PRUNE2: variants seen among roughly 807,000 people sequenced by gnomAD.
The protein encoded by PRUNE2 is prune homolog 2 with BCH domain, also known as protein prune homolog 2.
A neutral mutation model predicts 252.0 loss-of-function variants in PRUNE2; 164 were observed. That is an observed-to-expected ratio of 0.65 (90% CI 0.57 to 0.74). The LOEUF (loss-of-function observed/expected upper bound fraction) is 0.74. PRUNE2 is among the 30% of genes least tolerant of loss of function. PRUNE2 has a pLI of 0.00. For missense variants in PRUNE2, 3,495 were observed against 3,711.0 expected, an observed-to-expected ratio of 0.94 and a Z score of 1.51; for synonymous variants, 1,292 against 1,350.2, an observed-to-expected ratio of 0.96 and a Z score of 0.94.
rs369614373 is a variant in PRUNE2, at chr9:76,629,307, GA to G, written c.9051-18del. Reference sequence around the variant, plus strand: ...AATTTTGAACTAAAAAAAAAAAAAAGAAAAAAATATGTATCATTAGTCACTA... The same window carrying G: ...AATTTTGAACTAAAAAAAAAAAAAAGAAAAAATATGTATCATTAGTCACTA... On this transcript the variant is annotated intron_variant, in intron 15 of 18. Transcript: ENST00000376718. 8.3e-3 allele frequency: 8,687 copies of G among 1,042,920 alleles called. 407 individuals are homozygous for G. The African/African-American group carries it at 0.12, about 14-fold the overall frequency. The allele number at this position is 1,042,920 out of a possible 1,614,324, so 64.6% of individuals were successfully genotyped here.
At chr9:76,875,409 A>T (rs185485948) in intron 1 of PRUNE2, among the ~76,000 whole-genome samples, 1 of 152,304 alleles carries the variant, frequency 6.6e-6, no homozygotes, top group East Asian at 1.9e-4. Flanking sequence ...TCTGTCGCCC[A>T]GGCTGGAGTG....
At chr9:76,795,336 G>T (rs1370632043) in intron 6 of PRUNE2, among the ~76,000 whole-genome samples, 1 of 152,056 alleles carries the variant, frequency 6.6e-6, no homozygotes, top group Non-Finnish European at 1.5e-5. Flanking sequence ...ACCAAACTGC[G>T]GAGACCCAGA....
chr9:76,619,853 T>C (rs887620077), intron 17 of PRUNE2, among the ~76,000 whole-genome samples: 12 of 152,194 alleles, frequency 7.9e-5, no homozygotes, highest in Non-Finnish European at 1.8e-4. Flanking sequence ...GCTCTCCTCA[T>C]TGTTGTTGTT....
At chr9:76,895,074 A>G (rs947144876) in intron 1 of PRUNE2, among the ~76,000 whole-genome samples, 2 of 150,864 alleles carry the variant, frequency 1.3e-5, no homozygotes, top group African/African-American at 2.5e-5. Context: ...TAAGAGGGAG[A>G]AAAAAAAAGC....
chr9:76,650,455 T>C (rs1846952263), intron 11 of PRUNE2, among the ~76,000 whole-genome samples: 1 of 152,162 alleles, frequency 6.6e-6, no homozygotes, highest in Non-Finnish European at 1.5e-5. Context: ...AATGGTCGCG[T>C]GAGAAACCTA....
Position 76,658,034 on chromosome 9 carries a change from A to G in PRUNE2, c.8277-2532T>C, listed in dbSNP as rs377555291. 3.0e-4 allele frequency among the ~76,000 whole-genome samples: 45 copies of G among 152,278 alleles called. No homozygotes were observed. The East Asian group carries it at 7.9e-3, about 27-fold the overall frequency. On this transcript the variant is annotated intron_variant, in intron 9 of 18. Transcript: ENST00000376718. The stretch of plus-strand genomic sequence containing the variant: ...AAGGCTGTGATCAGCGGATGACCCA[A>G]GGAGAGAGATTCACACAAACCCATG...
rs530808154 is a variant in PRUNE2, at chr9:76,687,663, T to A, written c.8276+15674A>T. ...TCAGGCCATTCATTCCGGTAGGAGT[T>A]CAACAAACATTTGAGTCCTAGAGCC... On this transcript the variant is annotated intron_variant, in intron 9 of 18. Transcript: ENST00000376718. The A allele has an allele frequency of 8.3e-5, 35 of 421,364 alleles. 3 individuals are homozygous for A. Among genetic ancestry groups the A allele is most frequent in the South Asian group, 5.8e-4 (34 of 58,318 alleles). 26.1% of individuals were successfully genotyped at this position (421,364 alleles called of 1,614,324 possible).
chr9:76,668,640 G>A (rs114217169), intron 9 of PRUNE2, among the ~76,000 whole-genome samples: 3,012 of 151,964 alleles, frequency 0.02, 111 homozygotes, highest in African/African-American at 0.069. Context: ...TGAACTCTGG[G>A]AGCCCCTCCC....
At chr9:76,844,618 C>A (rs1431413785) in intron 4 of PRUNE2, among the ~76,000 whole-genome samples, 1 of 152,210 alleles carries the variant, frequency 6.6e-6, no homozygotes, top group Non-Finnish European at 1.5e-5. Flanking sequence ...CATACATACA[C>A]ACACATATGC....
intron 6 of PRUNE2, chr9:76,738,639 T>A (rs2049294455): frequency 6.6e-6 from 1 of 152,218 alleles, no homozygotes; most frequent in Non-Finnish European, 1.5e-5. Context: ...CATCATTAAC[T>A]ATTGATTTAA....
At chr9:76,749,065 A>C (rs957931515) in intron 6 of PRUNE2, among the ~76,000 whole-genome samples, 2 of 152,236 alleles carry the variant, frequency 1.3e-5, no homozygotes, top group Non-Finnish European at 2.9e-5. Context: ...TGAGCAACCT[A>C]ATAGTCAGAA....
rs183980400 is a variant in PRUNE2, at chr9:76,852,143, T to C, written c.142-1478A>G. On this transcript the variant is annotated intron_variant, in intron 2 of 18. Transcript: ENST00000376718. ...ATAGTAAACATTTAGTACATATTTG[T>C]TGAATGAAAGAAAGGAATCAGCCAC... Among the ~76,000 whole-genome samples the C allele has an allele frequency of 7.0e-4, 106 of 152,320 alleles. 1 individual carries two copies. The East Asian group carries it at 0.019, about 27-fold the overall frequency.
intron 6 of PRUNE2, chr9:76,779,685 TGACTTATCTCAGTC>T (rs2054164247): frequency 6.6e-6 from 1 of 152,228 alleles, no homozygotes; most frequent in South Asian, 2.1e-4. Context: ...TTGTCTGAAA[TGACTTATCTCAGTC>T]CTGACTGTGG....
chr9:76,787,197 C>G (rs2055072787), intron 6 of PRUNE2: 1 of 152,006 alleles, frequency 6.6e-6, no homozygotes, highest in Admixed American at 6.6e-5. Flanking sequence ...TCTTGGCATA[C>G]TATATCAACT....
In PRUNE2 at chr9:76,710,432, A is replaced by G; in HGVS notation, c.1842T>C (p.Asn614=). ...TGKRIPPTPM[N]SLVESSPSTE... ...TGGATGGCGAGCTTTCTACTAAACT[A>G]TTCATGGGTGTTGGTGGGATCCTCT... is the stretch of plus-strand genomic sequence containing the variant. The change falls in exon 8 of 19, where the codon AAT becomes AAC. Residue 614 remains asparagine (N), a synonymous_variant. Coordinates refer to ENST00000376718, the MANE Select transcript of PRUNE2 (RefSeq NM_015225.3). 1 of 1,613,836 alleles carries G rather than the reference A, an allele frequency of 6.2e-7. No homozygotes were observed. Among genetic ancestry groups the G allele is most frequent in the Non-Finnish European group, 8.5e-7 (1 of 1,179,858 alleles).
chr9:76,850,925 A>G (rs1177809234), intron 2 of PRUNE2, among the ~76,000 whole-genome samples: 3 of 152,072 alleles, frequency 2.0e-5, no homozygotes, highest in Non-Finnish European at 2.9e-5. Context: ...TAGACCCTGC[A>G]CCATTTGTAT....
intron 1 of PRUNE2, among the ~76,000 whole-genome samples, chr9:76,868,589 CA>C (rs569067543): frequency 4.6e-5 from 7 of 152,250 alleles, no homozygotes; most frequent in Non-Finnish European, 8.8e-5. Context: ...TGATCATTCA[CA>C]GCAGTGTCTC....
chr9:76,735,120 G>C (rs2048963068), intron 6 of PRUNE2, among the ~76,000 whole-genome samples: 1 of 152,222 alleles, frequency 6.6e-6, no homozygotes, highest in Non-Finnish European at 1.5e-5. Flanking sequence ...GGCAAGCCCT[G>C]ATGGCACACT....
chr9:76,806,852 C>T (rs1482587562), intron 6 of PRUNE2, among the ~76,000 whole-genome samples: 3 of 151,846 alleles, frequency 2.0e-5, no homozygotes, highest in African/African-American at 7.3e-5. Flanking sequence ...CAAATATTAA[C>T]CCATTTAATC....
Sources: allele counts gnomAD v4.1 joint callset (sites outside exome capture counted in the v4.1 genomes callset), GRCh38; gene constraint gnomAD v4.1.1; transcripts MANE v1.5; gene names NCBI Gene and HGNC (gene_info 2026-07-23, HGNC 2026-07-21).